The following GPR158 variants were observed in gnomAD, a reference collection of about 807,000 sequenced individuals.
GPR158 encodes the protein G protein-coupled receptor 158, also known as metabotropic glycine receptor.
Under a neutral mutation model 78.2 loss-of-function variants are expected in GPR158, and 30 were observed. That is an observed-to-expected ratio of 0.38 (90% CI 0.29 to 0.52). The LOEUF (loss-of-function observed/expected upper bound fraction) is 0.52. Among genes scored for constraint, GPR158 ranks in the 20% least tolerant of loss-of-function variants. GPR158 has a pLI of 0.83. For missense variants in GPR158, 1,463 were observed against 1,523.5 expected (o/e 0.96, Z 0.66); for synonymous variants, 581 against 591.1 (o/e 0.98, Z 0.25).
In GPR158 at chr10:25,531,342, C is replaced by T. The variant is rs111250278; in HGVS notation, c.1405-19634C>T. On this transcript the variant is annotated intron_variant, in intron 5 of 10. Coordinates refer to ENST00000376351, the MANE Select transcript of GPR158 (RefSeq NM_020752.3). The stretch of plus-strand genomic sequence containing the variant: ...AGTAGGTAACAAAAAGTAAAAACCC[C>T]GCGTCCATGCTGGTTTTGATTATTG... Among the ~76,000 whole-genome samples the T allele has an allele frequency of 1.9e-3, 293 of 152,220 alleles. 1 individual carries two copies. Among genetic ancestry groups the T allele is most frequent in the African/African-American group, 6.7e-3 (280 of 41,540 alleles).
intron 2 of GPR158, among the ~76,000 whole-genome samples, chr10:25,309,327 T>C (rs1854729275): frequency 6.6e-6 from 1 of 152,186 alleles, no homozygotes; most frequent in African/African-American, 2.4e-5. Flanking sequence ...CATCTTTTCA[T>C]GCACTTATTG....
At chr10:25,561,450 C>A (rs1322304199) in intron 6 of GPR158, among the ~76,000 whole-genome samples, 2 of 152,140 alleles carry the variant, frequency 1.3e-5, no homozygotes, top group Non-Finnish European at 2.9e-5. Context: ...AATCTGGCTT[C>A]TTCTTGATCT....
chr10:25,296,504 A>G (rs1275663031), intron 2 of GPR158, among the ~76,000 whole-genome samples: 1 of 138,992 alleles, frequency 7.2e-6, no homozygotes, highest in African/African-American at 2.7e-5. Flanking sequence ...CTATCTATTG[A>G]TTGATTGATT....
intron 2 of GPR158, among the ~76,000 whole-genome samples, chr10:25,343,186 A>G (rs183763451): frequency 8.2e-4 from 124 of 152,090 alleles, no homozygotes; most frequent in Non-Finnish European, 8.4e-4. Flanking sequence ...AGCAATTGCT[A>G]AATGTCTAGA....
chr10:25,338,513 T>A (rs138504907), intron 2 of GPR158, among the ~76,000 whole-genome samples: 20,958 of 132,088 alleles, frequency 0.16, 2,915 homozygotes, highest in African/African-American at 0.38. Flanking sequence ...ATATTACGTA[T>A]AATATACGTA....
chr10:25,351,852 A>G (rs78054497), intron 2 of GPR158, among the ~76,000 whole-genome samples: 1 of 151,510 alleles, frequency 6.6e-6, no homozygotes. Flanking sequence ...TCACCTAGGT[A>G]TCAAGCCCAT....
chr10:25,575,753 A>G (rs768507801), intron 7 of GPR158, among the ~76,000 whole-genome samples: 1 of 152,108 alleles, frequency 6.6e-6, no homozygotes, highest in Non-Finnish European at 1.5e-5. Context: ...TCATACCTCC[A>G]AACTCTCCAT....
At chr10:25,444,235 G>T (rs542564401) in intron 4 of GPR158, among the ~76,000 whole-genome samples, 92 of 151,446 alleles carry the variant, frequency 6.1e-4, no homozygotes, top group African/African-American at 2.1e-3. Flanking sequence ...AATAATGGGG[G>T]GTGTGTGTGA....
intron 2 of GPR158, among the ~76,000 whole-genome samples, chr10:25,269,065 A>G (rs1249118895): frequency 6.6e-6 from 1 of 152,166 alleles, no homozygotes; most frequent in Admixed American, 6.5e-5. Flanking sequence ...TACTTTATAT[A>G]CATTTATATC....
At chr10:25,504,685 C>T (rs1390806682) in intron 5 of GPR158, among the ~76,000 whole-genome samples, 1 of 152,180 alleles carries the variant, frequency 6.6e-6, no homozygotes, top group Non-Finnish European at 1.5e-5. Context: ...GACATCTCAC[C>T]TCCTACCTGC....
chr10:25,282,807 A>T (rs1395457688), intron 2 of GPR158, among the ~76,000 whole-genome samples: 4 of 151,820 alleles, frequency 2.6e-5, no homozygotes, highest in African/African-American at 7.3e-5. Context: ...GTGTGTGCTC[A>T]TTTTTCAATT....
At chr10:25,362,255 T>G (rs1399882029) in intron 2 of GPR158, among the ~76,000 whole-genome samples, 2 of 151,978 alleles carry the variant, frequency 1.3e-5, no homozygotes, top group African/African-American at 4.8e-5. Context: ...TTGTGGAAGA[T>G]CATTTCATCA....
At chr10:25,531,079 T>C (rs564689099) in intron 5 of GPR158, among the ~76,000 whole-genome samples, 1 of 152,354 alleles carries the variant, frequency 6.6e-6, no homozygotes, top group African/African-American at 2.4e-5. Flanking sequence ...ATGGTAGGTA[T>C]TTTAGACATT....
chr10:25,565,328 C>CAATTA (rs1836915317), intron 6 of GPR158, among the ~76,000 whole-genome samples: 5 of 152,078 alleles, frequency 3.3e-5, no homozygotes, highest in Non-Finnish European at 5.9e-5. Context: ...ATTTTGTGGC[C>CAATTA]TGGGACTATC....
At chr10:25,223,427 A>G (rs1421756689) in intron 2 of GPR158, among the ~76,000 whole-genome samples, 2 of 152,072 alleles carry the variant, frequency 1.3e-5, no homozygotes, top group Non-Finnish European at 2.9e-5. Context: ...CTCTTCACAC[A>G]TTGTATTGGG....
At chr10:25,252,499 A>G (rs1418138791) in intron 2 of GPR158, among the ~76,000 whole-genome samples, 2 of 151,194 alleles carry the variant, frequency 1.3e-5, no homozygotes, top group East Asian at 3.9e-4. Flanking sequence ...TTTGGTGTGG[A>G]TGTCCTTTCT....
chr10:25,289,307 T>C (rs1854399521), intron 2 of GPR158, among the ~76,000 whole-genome samples: 1 of 152,194 alleles, frequency 6.6e-6, no homozygotes, highest in Non-Finnish European at 1.5e-5. Flanking sequence ...ATAAAATGTA[T>C]TAAAGTTTAA....
intron 1 of GPR158, among the ~76,000 whole-genome samples, chr10:25,213,791 C>T (rs1294947989): frequency 6.6e-6 from 1 of 152,024 alleles, no homozygotes; most frequent in Admixed American, 6.6e-5. Context: ...TTTTTTCTTC[C>T]ATTTGGGGCA....
chr10:25,179,427 TCTTA>T (rs756772233), intron 1 of GPR158, among the ~76,000 whole-genome samples: 29 of 152,296 alleles, frequency 1.9e-4, no homozygotes, highest in South Asian at 1.2e-3. Context: ...TTTTCCCAGG[TCTTA>T]CTTACAAGAT....
Sources: allele counts gnomAD v4.1 joint callset (sites outside exome capture counted in the v4.1 genomes callset), GRCh38; gene constraint gnomAD v4.1.1; transcripts MANE v1.5; gene names NCBI Gene and HGNC (gene_info 2026-07-23, HGNC 2026-07-21).